SLIT3: variants seen among roughly 807,000 people sequenced by gnomAD.
SLIT3 encodes slit homolog 3 protein.
SLIT3 carries 68 observed loss-of-function variants against 184.0 expected under a neutral mutation model. The ratio of observed to expected loss-of-function variants is 0.37; its 90% CI spans 0.30 to 0.45. The LOEUF is 0.45. Ranked by LOEUF, SLIT3 falls within the 20% of genes least tolerant of loss-of-function variation. The probability of loss-of-function intolerance (pLI) is 1.00; values close to 1 mark genes in which losing one functional copy is unlikely to be tolerated. For missense variants in SLIT3, 1,707 were observed against 2,026.0 expected (o/e 0.84, Z 3.02); for synonymous variants, 831 against 828.6 (o/e 1.00, Z -0.05).
intron 3 of SLIT3, among the ~76,000 whole-genome samples, chr5:169,228,669 A>T (rs765259066): frequency 1.3e-5 from 2 of 152,126 alleles, no homozygotes; most frequent in African/African-American, 4.8e-5. Context: ...CAGAATACAA[A>T]TTTTTTTAAA....
At chr5:168,997,051 G>A (rs1254796696) in intron 4 of SLIT3, among the ~76,000 whole-genome samples, 1 of 152,176 alleles carries the variant, frequency 6.6e-6, no homozygotes, top group Non-Finnish European at 1.5e-5. Context: ...ATGAAAGGGA[G>A]GGATCAACCG....
intron 29 of SLIT3, among the ~76,000 whole-genome samples, chr5:168,691,631 G>A (rs1761907979): frequency 6.6e-6 from 1 of 152,134 alleles, no homozygotes; most frequent in Non-Finnish European, 1.5e-5. Context: ...TCATTTATGG[G>A]GTCTGCTAAC....
intron 4 of SLIT3, among the ~76,000 whole-genome samples, chr5:169,053,210 AGAAT>A (rs1757873996): frequency 6.6e-6 from 1 of 152,266 alleles, no homozygotes; most frequent in Non-Finnish European, 1.5e-5. Flanking sequence ...ACCTGGCTCC[AGAAT>A]GAATGAAGGG....
Position 168,904,626 on chromosome 5 carries a change from T to C in SLIT3, c.414-21290A>G, listed in dbSNP as rs566511849. Among the ~76,000 whole-genome samples the C allele has an allele frequency of 3.7e-4, 56 of 152,304 alleles. 1 individual carries two copies. The South Asian group carries it at 4.4e-3, about 12-fold the overall frequency. The stretch of plus-strand genomic sequence containing the variant: ...AAAACTCCCAGACTTCACTGCAAAA[T>C]GCTAATTCCAGCTCTGGGGACAAGA... On this transcript the variant is annotated intron_variant, in intron 4 of 35. Transcript: ENST00000519560.
chr5:168,907,944 GTATATATATATATATATA>G (rs1224392381), intron 4 of SLIT3, among the ~76,000 whole-genome samples: 41 of 53,122 alleles, frequency 7.7e-4, no homozygotes, highest in African/African-American at 2.8e-3. Flanking sequence ...TATTATACGT[GTATATATATATATATATA>G]TATATATATA....
intron 20 of SLIT3, 51 bp downstream of exon 20, chr5:168,748,251 G>T: frequency 7.0e-7 from 1 of 1,434,922 alleles, no homozygotes; most frequent in South Asian, 1.6e-5. Context: ...TATGGAGGAT[G>T]CTGCTGGTGG....
At chr5:169,199,037 C>A (rs1457059792) in intron 3 of SLIT3, among the ~76,000 whole-genome samples, 1 of 151,464 alleles carries the variant, frequency 6.6e-6, no homozygotes, top group Non-Finnish European at 1.5e-5. Context: ...CACATACATA[C>A]ATATACACAT....
intron 4 of SLIT3, among the ~76,000 whole-genome samples, chr5:169,003,324 C>CT (rs2113429005): frequency 6.6e-6 from 1 of 152,310 alleles, no homozygotes; most frequent in South Asian, 2.1e-4. Context: ...GCACTCAGTA[C>CT]ATCTTCCCAA....
chr5:168,900,924 G>C (rs1262490190), intron 4 of SLIT3, among the ~76,000 whole-genome samples: 1 of 152,204 alleles, frequency 6.6e-6, no homozygotes, highest in Non-Finnish European at 1.5e-5. Context: ...CATGGACATA[G>C]AGGAGAATGA....
intron 4 of SLIT3, among the ~76,000 whole-genome samples, chr5:169,148,393 C>A (rs1053666750): frequency 2.0e-5 from 3 of 152,166 alleles, no homozygotes; most frequent in African/African-American, 7.2e-5. Context: ...AACGTCCACA[C>A]GGGCAGAAAA....
intron 2 of SLIT3, among the ~76,000 whole-genome samples, chr5:169,248,637 T>C (rs763375019): frequency 3.0e-4 from 46 of 152,182 alleles, no homozygotes; most frequent in Non-Finnish European, 3.2e-4. Flanking sequence ...GTTATTTTTT[T>C]AGCTTTAGCA....
intron 4 of SLIT3, among the ~76,000 whole-genome samples, chr5:168,922,943 A>G (rs912616106): frequency 3.3e-5 from 5 of 152,226 alleles, no homozygotes; most frequent in Non-Finnish European, 7.3e-5. Flanking sequence ...ATACCTGAAC[A>G]TATGTAGCGA....
At chr5:169,210,088 A>G (rs991682941) in intron 3 of SLIT3, among the ~76,000 whole-genome samples, 1 of 152,210 alleles carries the variant, frequency 6.6e-6, no homozygotes, top group Non-Finnish European at 1.5e-5. Context: ...CCGTGTGAAC[A>G]TGTGATGTGT....
At chr5:169,150,690 C>T (rs923437189) in intron 4 of SLIT3, among the ~76,000 whole-genome samples, 2 of 152,130 alleles carry the variant, frequency 1.3e-5, no homozygotes, top group Admixed American at 1.3e-4. Context: ...TAAACTACCT[C>T]CTGCTGTGTT....
intron 3 of SLIT3, among the ~76,000 whole-genome samples, chr5:169,227,766 T>G (rs1194828968): frequency 6.6e-6 from 1 of 152,218 alleles, no homozygotes; most frequent in Non-Finnish European, 1.5e-5. Context: ...CAATTACCTT[T>G]GCACTAACCT....
At chr5:168,909,026 G>C (rs776713641) in intron 4 of SLIT3, among the ~76,000 whole-genome samples, 22 of 152,150 alleles carry the variant, frequency 1.4e-4, no homozygotes, top group Non-Finnish European at 2.5e-4. Flanking sequence ...TACCCGCCAG[G>C]CTTCTTGCAT....
At chr5:168,948,277 C>A (rs1762550572) in intron 4 of SLIT3, among the ~76,000 whole-genome samples, 1 of 152,124 alleles carries the variant, frequency 6.6e-6, no homozygotes, top group Non-Finnish European at 1.5e-5. Context: ...GTCATGGCAA[C>A]AGAAGGGCAA....
At chr5:169,049,999 G>A (rs912610040) in intron 4 of SLIT3, among the ~76,000 whole-genome samples, 1 of 151,878 alleles carries the variant, frequency 6.6e-6, no homozygotes, top group African/African-American at 2.4e-5. Flanking sequence ...TTTTTTTCCT[G>A]GCTGCTTCCC....
intron 5 of SLIT3, among the ~76,000 whole-genome samples, chr5:168,855,261 T>G (rs145239306): frequency 6.6e-6 from 1 of 152,342 alleles, no homozygotes; most frequent in Admixed American, 6.5e-5. Context: ...CACTCCTACA[T>G]AGCTGGAGGG....
Sources: allele counts gnomAD v4.1 joint callset (sites outside exome capture counted in the v4.1 genomes callset), GRCh38; gene constraint gnomAD v4.1.1; transcripts MANE v1.5; gene names NCBI Gene and HGNC (gene_info 2026-07-23, HGNC 2026-07-21).